POLRMT: variants seen among roughly 807,000 people sequenced by gnomAD.
POLRMT encodes the protein DNA-directed RNA polymerase, mitochondrial.
Under a neutral mutation model 132.2 loss-of-function variants are expected in POLRMT, and 114 were observed. That is an observed-to-expected ratio of 0.86 (90% CI 0.74 to 1.01). The LOEUF is 1.01. Ranked by LOEUF, POLRMT falls within the 50% of genes least tolerant of loss-of-function variation. The pLI is 0.00. For missense variants in POLRMT, 2,003 were observed against 1,729.1 expected (o/e 1.16, Z -2.81); for synonymous variants, 1,020 against 773.4 (o/e 1.32, Z -5.29).
intron 3 of POLRMT, among the ~76,000 whole-genome samples, chr19:625,918 G>A (rs2144660798): frequency 6.6e-6 from 1 of 152,158 alleles, no homozygotes; most frequent in East Asian, 1.9e-4. Flanking sequence ...GGCCAGGCTG[G>A]TCTCGAACTC....
chr19:623,505 G>C lies in POLRMT; in HGVS notation c.1239C>G (p.Cys413Trp), dbSNP rs201389191. The C allele has an allele frequency of 1.3e-5, 21 of 1,613,216 alleles. 2 individuals carry two copies. The Admixed American group carries it at 2.7e-4, about 20-fold the overall frequency. ...QLHMELASRVCVVSVEKPTLP... is the reference protein window; with the variant it reads ...QLHMELASRVWVVSVEKPTLP... The stretch of plus-strand genomic sequence containing the variant: ...ACGTGGGCTTCTCCACGGACACCAC[G>C]CACACCCTGCTGGCCAGCTCCATGT... Residue 413 changes from cysteine (C) to tryptophan (W), a missense_variant, in exon 6 of 21, where the codon TGC becomes TGG. Transcript: ENST00000588649.
chr19:617,728 T>A, intron 18 of POLRMT, 49 bp downstream of exon 18: 1 of 1,611,178 alleles, frequency 6.2e-7, no homozygotes, highest in Non-Finnish European at 8.5e-7. Flanking sequence ...AACGCCCCAG[T>A]GTGGGGGCCC....
In POLRMT at chr19:632,949, G is replaced by C. The variant is rs370310147; in HGVS notation, c.89-11C>G. 6.3e-4 allele frequency: 943 copies of C among 1,490,642 alleles called. 2 individuals carry two copies. Among genetic ancestry groups the C allele is most frequent in the Non-Finnish European group, 8.1e-4 (911 of 1,124,296 alleles). 92.3% of individuals were successfully genotyped at this position (1,490,642 alleles called of 1,614,324 possible). A position where few individuals can be genotyped will look rare whatever the true frequency, so the allele number is the denominator to read the frequency against. ...CGCCACCGGCGGTCCCTGCGGGAAAGACGAGAGCGGCTGAGCGGGGCCGGG... is the reference window on the plus strand; with the variant it reads ...CGCCACCGGCGGTCCCTGCGGGAAACACGAGAGCGGCTGAGCGGGGCCGGG... On this transcript the variant is annotated splice_polypyrimidine_tract_variant and intron_variant, in intron 1 of 20. Transcript: ENST00000588649.
chr19:627,147 C>CTTTTTTT (rs771954413), intron 3 of POLRMT, among the ~76,000 whole-genome samples: 6 of 131,242 alleles, frequency 4.6e-5, no homozygotes, highest in Non-Finnish European at 6.4e-5. Context: ...AGTTTTGGGG[C>CTTTTTTT]ATTTTTTTTT....
intron 13 of POLRMT, 117 bp downstream of exon 13, chr19:619,469 C>CA (rs1984322685): frequency 4.2e-6 from 6 of 1,434,934 alleles, no homozygotes; most frequent in Non-Finnish European, 4.8e-6. Context: ...AACAGGCAGC[C>CA]AGTGGTCTGG....
chr19:627,148 A>G (rs201172309), intron 3 of POLRMT, among the ~76,000 whole-genome samples: 8 of 119,760 alleles, frequency 6.7e-5, no homozygotes, highest in African/African-American at 1.7e-4. Context: ...GTTTTGGGGC[A>G]TTTTTTTTTT....
intron 19 of POLRMT, 29 bp downstream of exon 19, chr19:617,541 C>T (rs1346353678): frequency 3.7e-6 from 6 of 1,609,978 alleles, no homozygotes; most frequent in Admixed American, 3.3e-5. Context: ...GGGGGGAATC[C>T]AGGTAGTTGG....
rs1239262805 is a variant in POLRMT, at chr19:622,752, C to A, written c.1456G>T (p.Val486Phe). 1.3e-6 allele frequency: 2 copies of A among 1,586,108 alleles called. No homozygotes were observed. Residue 486 changes from valine (V) to phenylalanine (F), a missense_variant and splice_region_variant, in exon 8 of 21, where the codon GTC becomes TTC. Transcript: ENST00000588649. ...CCTTGGGCGGGCAGCGCCTGCAGGA[C>A]CTGCGGAAGGCAGCCGTGAGTGCCT... ...EREVVRMLLQ[V>F]LQALPAQGES...
Position 617,832 on chromosome 19 carries a change from A to G in POLRMT, c.3440T>C (p.Val1147Ala), listed in dbSNP as rs1438745154. The G allele has an allele frequency of 2.5e-6, 4 of 1,613,226 alleles. No homozygotes were observed. In the South Asian group the frequency reaches 4.4e-5, roughly 18 times the overall value. The change falls in exon 18 of 21, where the codon GTC becomes GCC. Residue 1147 changes from valine to alanine, a missense_variant. Transcript: ENST00000588649. ...LHCYRKGLTFVSVHDCYWTHA... is the reference protein window; with the variant it reads ...LHCYRKGLTFASVHDCYWTHA... ...AGTCCAGTAACAGTCGTGCACAGAG[A>G]CGAAGGTCAGGCCCTTCCTGTGGCA...
At chr19:617,505 G>A (rs1984074366) in intron 19 of POLRMT, 25 bp from the exon 20 acceptor site, 3 of 1,605,648 alleles carry the variant, frequency 1.9e-6, no homozygotes, top group South Asian at 2.2e-5. Context: ...AGGGTGGGGT[G>A]AGGCTGAGGC....
intron 13 of POLRMT, 58 bp from the exon 14 acceptor site, chr19:619,354 TCCC>T: frequency 6.4e-7 from 1 of 1,553,360 alleles, no homozygotes; most frequent in Non-Finnish European, 8.8e-7. Flanking sequence ...CACGCCCTAC[TCCC>T]CCCTATTTCA....
intron 3 of POLRMT, among the ~76,000 whole-genome samples, chr19:627,489 G>A (rs1985108403): frequency 6.6e-6 from 1 of 151,938 alleles, no homozygotes. Flanking sequence ...CTGTATGGTA[G>A]ACCTCACTGG....
At chr19:624,116 G>A (rs1221824698) in intron 5 of POLRMT, among the ~76,000 whole-genome samples, 1 of 152,210 alleles carries the variant, frequency 6.6e-6, no homozygotes, top group African/African-American at 2.4e-5. Context: ...CGGGCACGGC[G>A]CGGCCATCCA....
At position 620,913 on chromosome 19, in the gene POLRMT, GAAGA is replaced by G; in HGVS notation, c.2640+141_2640+144del. The stretch of plus-strand genomic sequence containing the variant: ...CGCCAGGGGAGGGGGAGGGGAGGAG[GAAGA>G]CGGGCAGGGGGCGCCAGGGGAGGGG... On this transcript the variant is annotated intron_variant, in intron 10 of 20. Transcript: ENST00000588649. The G allele has an allele frequency of 8.0e-4, 111 of 138,130 alleles. 25 individuals are homozygous for G. The South Asian group carries it at 8.5e-3, about 11-fold the overall frequency. 8.6% of individuals were successfully genotyped at this position (138,130 alleles called of 1,614,324 possible).
chr19:619,511 G>T, intron 13 of POLRMT, 75 bp downstream of exon 13: 2 of 1,566,268 alleles, frequency 1.3e-6, no homozygotes, highest in South Asian at 2.3e-5. Context: ...TGGGAGGCTG[G>T]GTCGGGGGCA....
Position 620,024 on chromosome 19 carries a change from G to A in POLRMT, c.2820C>T (p.Gly940=), listed in dbSNP as rs758712203. 15 of 1,574,042 alleles carry A rather than the reference G, an allele frequency of 9.5e-6. No homozygotes were observed. The highest frequency in any genetic ancestry group is 1.1e-5 in the Non-Finnish European group (13 of 1,164,622). ...AGGGCTCCAGGTTGACGGAGGCGGC[G>A]CCCACGCTGTCGCGGCCCAGAGCAG... is the stretch of plus-strand genomic sequence containing the variant. ...HYAALGRDSV[G]AASVNLEPSD... The change falls in exon 12 of 21, where the codon GGC becomes GGT. Residue 940 remains glycine (G), a synonymous_variant. Coordinates refer to ENST00000588649, the MANE Select transcript of POLRMT (RefSeq NM_005035.4).
chr19:621,935 C>T (rs1366186758), intron 9 of POLRMT, 89 bp from the exon 10 acceptor site: 2 of 1,452,006 alleles, frequency 1.4e-6, no homozygotes, highest in East Asian at 2.4e-5. Flanking sequence ...GGGCCGGCTC[C>T]CCGGCCAACA....
rs778829356 is a variant in POLRMT at position 624,720 on chromosome 19, T to G, written c.1139A>C (p.Lys380Thr). ...CTGCCGGGGCCCACGTGGGCTCACC[T>G]TGGCATACACGTCCCTGAGCAGCTT... ...TSKLLRDVYA[K>T]DGRVSYPKLH... The change falls in exon 5 of 21, where the codon AAG (lysine) becomes ACG (threonine). Residue 380 changes from lysine to threonine, a missense_variant and splice_region_variant. Coordinates refer to ENST00000588649, the MANE Select transcript of POLRMT (RefSeq NM_005035.4). 4 of 1,612,694 alleles carry G rather than the reference T, an allele frequency of 2.5e-6. No individual in the cohort carries two copies. Among genetic ancestry groups the G allele is most frequent in the Non-Finnish European group, 3.4e-6 (4 of 1,179,258 alleles).
chr19:620,987 A>AGGGCGCGGGGGCGCCGGGGGG (rs1984517802), intron 10 of POLRMT, 71 bp downstream of exon 10: 1 of 752,390 alleles, frequency 1.3e-6, no homozygotes, highest in African/African-American at 7.0e-5. Flanking sequence ...GCGCCGGGGG[A>AGGGCGCGGGGGCGCCGGGGGG]GGGCGCGGGG....
Sources: gnomAD v4.1 joint callset for allele counts (sites outside exome capture counted in the v4.1 genomes callset) on GRCh38, gnomAD v4.1.1 for gene constraint, MANE v1.5 for transcripts, NCBI Gene and HGNC (gene_info 2026-07-23, HGNC 2026-07-21) for gene names.